OR9Q1: variants seen among roughly 807,000 people sequenced by gnomAD.
OR9Q1 encodes the protein olfactory receptor family 9 subfamily Q member 1, also known as olfactory receptor 9Q1.
For synonymous variants in OR9Q1, 153 were observed against 148.6 expected (o/e 1.03, Z -0.22); for missense variants, 374 against 378.8 (o/e 0.99, Z 0.11).
At chr11:58,130,176 GAGC>G (rs1255253435) in intron 2 of OR9Q1, among the ~76,000 whole-genome samples, 1 of 152,114 alleles carries the variant, frequency 6.6e-6, no homozygotes, top group African/African-American at 2.4e-5. Context: ...TGAGAGGAGA[GAGC>G]CTTAATGTTT....
intron 1 of OR9Q1, among the ~76,000 whole-genome samples, chr11:58,042,697 C>A (rs1288060659): frequency 6.6e-6 from 1 of 152,060 alleles, no homozygotes; most frequent in Non-Finnish European, 1.5e-5. Context: ...TCATTGGTAG[C>A]TTGATGGGGA....
At chr11:58,149,907 G>T (rs752208169) in intron 2 of OR9Q1, among the ~76,000 whole-genome samples, 2 of 152,148 alleles carry the variant, frequency 1.3e-5, no homozygotes, top group Non-Finnish European at 2.9e-5. Context: ...TATTGTGAAT[G>T]CTGTTGCTAT....
At chr11:58,085,835 T>A (rs1406758076) in intron 2 of OR9Q1, among the ~76,000 whole-genome samples, 1 of 151,590 alleles carries the variant, frequency 6.6e-6, no homozygotes, top group Non-Finnish European at 1.5e-5. Context: ...AACACATGTA[T>A]CCCCCACAAT....
In OR9Q1 at chr11:58,131,770, A is replaced by G. The variant is rs184367165; in HGVS notation, c.-14-47661A>G. On this transcript the variant is annotated intron_variant, in intron 2 of 2. Transcript: ENST00000335397. ...GTGTTCAATGCCCCCAACACTCACG[A>G]GCTGTCCAATGAGGAGTCTCAATAC... is the stretch of plus-strand genomic sequence containing the variant. Among the ~76,000 whole-genome samples the G allele has an allele frequency of 3.2e-3, 489 of 152,222 alleles. 4 individuals are homozygous for G. Among genetic ancestry groups the G allele is most frequent in the Non-Finnish European group, 3.5e-3 (236 of 68,018 alleles).
intron 2 of OR9Q1, chr11:58,108,909 G>A: frequency 2.8e-6 from 1 of 362,162 alleles, no homozygotes; most frequent in Non-Finnish European, 5.5e-6. Context: ...GTGTCCCAAA[G>A]AAGAGGACAA....
At position 58,180,232 on chromosome 11, in the gene OR9Q1, C is replaced by G. The variant is rs745307957; in HGVS notation, c.788C>G (p.Ser263Ter). The G allele has an allele frequency of 3.6e-5, 58 of 1,614,004 alleles. No individual in the cohort carries two copies. The highest frequency in any genetic ancestry group is 2.7e-4 in the Admixed American group (16 of 60,014). ...ATCTTCATGTACTTGAGAGGTAACT[C>G]AGATCAGTCTTCGGAGAAGAATCGG... ...TLIFMYLRGN[S>*]DQSSEKNRVV... The change falls in exon 3 of 3, where the codon TCA (serine) becomes TGA (stop). Residue 263 changes from serine (S) to a stop codon, truncating the protein, a stop_gained. Coordinates refer to ENST00000335397, the MANE Select transcript of OR9Q1 (RefSeq NM_001005212.4). LOFTEE classifies it low-confidence loss of function (END_TRUNC).
intron 2 of OR9Q1, among the ~76,000 whole-genome samples, chr11:58,116,131 G>T (rs1308229909): frequency 6.6e-6 from 1 of 152,178 alleles, no homozygotes; most frequent in Admixed American, 6.5e-5. Flanking sequence ...TGTCATCAGG[G>T]ACTTAGGCTT....
intron 2 of OR9Q1, among the ~76,000 whole-genome samples, chr11:58,084,039 C>A (rs1266015999): frequency 6.6e-6 from 1 of 151,802 alleles, no homozygotes; most frequent in African/African-American, 2.4e-5. Context: ...ATCTGTAGAT[C>A]GCTTTGGGCT....
intron 2 of OR9Q1, among the ~76,000 whole-genome samples, chr11:58,063,039 A>G (rs1262898101): frequency 6.6e-6 from 1 of 152,148 alleles, no homozygotes; most frequent in East Asian, 1.9e-4. Flanking sequence ...CTCATGGTAC[A>G]TGTGGCTATA....
intron 2 of OR9Q1, among the ~76,000 whole-genome samples, chr11:58,088,629 A>C (rs555785297): frequency 6.6e-6 from 1 of 151,880 alleles, no homozygotes; most frequent in African/African-American, 2.4e-5. Context: ...TCTTTGGAGA[A>C]GTGTCTGTTC....
intron 2 of OR9Q1, among the ~76,000 whole-genome samples, chr11:58,166,552 TAACA>T (rs1030882109): frequency 5.9e-5 from 9 of 152,328 alleles, no homozygotes; most frequent in African/African-American, 1.9e-4. Flanking sequence ...TTTTTTCCAA[TAACA>T]AACAATGTTG....
Position 58,041,953 on chromosome 11 carries a change from G to A in OR9Q1, c.-92-13917G>A, listed in dbSNP as rs1853169114. Among the ~76,000 whole-genome samples, 7 of 152,196 alleles carry A rather than the reference G, an allele frequency of 4.6e-5. No individual in the cohort carries two copies. The South Asian group carries it at 1.4e-3, about 31-fold the overall frequency. On this transcript the variant is annotated intron_variant, in intron 1 of 2. Transcript: ENST00000335397. ...ACCACCTATGGAAGCTCCAACTCCT[G>A]TCTAGGATCCCTTTAAATTGACCAA...
chr11:58,096,453 G>A (rs917681873), intron 2 of OR9Q1, among the ~76,000 whole-genome samples: 2 of 151,948 alleles, frequency 1.3e-5, no homozygotes, highest in Admixed American at 1.3e-4. Context: ...CTTAAGCTTC[G>A]TATAAATGAA....
chr11:58,030,710 T>C (rs1392688118), intron 1 of OR9Q1, among the ~76,000 whole-genome samples: 1 of 152,258 alleles, frequency 6.6e-6, no homozygotes, highest in Non-Finnish European at 1.5e-5. Flanking sequence ...GCTTCCCTGA[T>C]ATTTCTGCTC....
chr11:58,033,459 T>C (rs541524398), intron 1 of OR9Q1, among the ~76,000 whole-genome samples: 28 of 152,344 alleles, frequency 1.8e-4, no homozygotes, highest in Non-Finnish European at 2.6e-4. Flanking sequence ...TGCAGCAACA[T>C]GGATGTAGTG....
At chr11:58,158,307 T>C (rs1456692178) in intron 2 of OR9Q1, among the ~76,000 whole-genome samples, 1 of 152,154 alleles carries the variant, frequency 6.6e-6, no homozygotes, top group African/African-American at 2.4e-5. Context: ...TTGGTTAAAA[T>C]TCTCCAGAGA....
intron 2 of OR9Q1, among the ~76,000 whole-genome samples, chr11:58,106,585 T>C (rs999340261): frequency 3.3e-5 from 5 of 152,172 alleles, no homozygotes; most frequent in Admixed American, 6.6e-5. Context: ...ACCAATGTCA[T>C]GAAGCTTTTC....
intron 2 of OR9Q1, among the ~76,000 whole-genome samples, chr11:58,136,709 G>C (rs1427308533): frequency 1.3e-5 from 2 of 152,178 alleles, no homozygotes; most frequent in Non-Finnish European, 2.9e-5. Flanking sequence ...GGCAACCTTA[G>C]TCTTTAAAAT....
chr11:58,179,993 T>C lies in OR9Q1; in HGVS notation c.549T>C (p.Pro183=), dbSNP rs1854647113. 2 of 1,614,050 alleles carry C rather than the reference T, an allele frequency of 1.2e-6. No individual in the cohort carries two copies. Among genetic ancestry groups the C allele is most frequent in the African/African-American group, 1.3e-5 (1 of 74,928 alleles). ...ACTTTATTTTCTGTGACCTCCCTCC[T>C]CTGTTAAAGTTGACCTGTGGGGAGA... ...EIDFIFCDLP[P]LLKLTCGESY... The change falls in exon 3 of 3, where the codon CCT becomes CCC. Residue 183 remains proline (P), a synonymous_variant. Coordinates refer to ENST00000335397, the MANE Select transcript of OR9Q1 (RefSeq NM_001005212.4).
Sources: allele counts gnomAD v4.1 joint callset (sites outside exome capture counted in the v4.1 genomes callset), GRCh38; gene constraint gnomAD v4.1.1; transcripts MANE v1.5; gene names NCBI Gene and HGNC (gene_info 2026-07-23, HGNC 2026-07-21).